LTBP1: variants seen among roughly 807,000 people sequenced by gnomAD.
LTBP1 encodes the protein latent-transforming growth factor beta-binding protein 1.
Under a neutral mutation model 207.6 loss-of-function variants are expected in LTBP1, and 129 were observed. The ratio of observed to expected loss-of-function variants is 0.62; its 90% CI spans 0.54 to 0.72. The LOEUF (loss-of-function observed/expected upper bound fraction) is 0.72, where lower values mean the gene tolerates loss of function less well. Among genes scored for constraint, LTBP1 ranks in the 30% least tolerant of loss-of-function variants. The probability of loss-of-function intolerance (pLI) is 0.00; values close to 1 mark genes in which losing one functional copy is unlikely to be tolerated. For synonymous variants in LTBP1, 963 were observed against 833.7 expected (o/e 1.16, Z -2.67); for missense variants, 2,281 against 2,217.2 (o/e 1.03, Z -0.58).
chr2:32,969,355 G>T (rs570759813), intron 2 of LTBP1, among the ~76,000 whole-genome samples: 1 of 151,996 alleles, frequency 6.6e-6, no homozygotes, highest in South Asian at 2.1e-4. Flanking sequence ...GTGGTTTGAT[G>T]TGCCAGATTA....
chr2:33,126,808 C>T (rs1390984478), intron 4 of LTBP1, among the ~76,000 whole-genome samples: 3 of 151,856 alleles, frequency 2.0e-5, no homozygotes, highest in African/African-American at 7.3e-5. Flanking sequence ...AAAACTGAGC[C>T]AGAGAGAAGT....
chr2:33,088,208 C>T (rs1456425938), intron 3 of LTBP1, among the ~76,000 whole-genome samples: 5 of 152,240 alleles, frequency 3.3e-5, no homozygotes, highest in African/African-American at 1.2e-4. Flanking sequence ...AATCCCAGCA[C>T]TTTGGGAGGC....
Position 33,279,946 on chromosome 2 carries a change from T to C in LTBP1, c.2993-93T>C. The stretch of plus-strand genomic sequence containing the variant: ...TGTTTTTCCCACTGAAATGTAGATA[T>C]AACATGCTTTCCCCCGCTGCCTTCA... On this transcript the variant is annotated intron_variant, in intron 18 of 33. Coordinates refer to ENST00000404816, the MANE Select transcript of LTBP1 (RefSeq NM_206943.4). The C allele has an allele frequency of 2.2e-6, 3 of 1,354,858 alleles. No homozygotes were observed. In the South Asian group the frequency reaches 3.9e-5, roughly 18 times the overall value. The allele number at this position is 1,354,858 out of a possible 1,614,324, so 83.9% of individuals were successfully genotyped here.
intron 26 of LTBP1, among the ~76,000 whole-genome samples, chr2:33,349,437 C>T (rs2094749580): frequency 1.4e-5 from 2 of 140,790 alleles, no homozygotes; most frequent in Non-Finnish European, 3.1e-5. Flanking sequence ...CAGATTCTGT[C>T]TCAAAAGAAA....
chr2:33,203,333 T>A (rs116609132), intron 7 of LTBP1, among the ~76,000 whole-genome samples: 14 of 152,320 alleles, frequency 9.2e-5, no homozygotes, highest in African/African-American at 3.4e-4. Context: ...AGAGAGAACA[T>A]GTCTGCATGT....
intron 24 of LTBP1, among the ~76,000 whole-genome samples, chr2:33,321,886 A>G (rs948904940): frequency 2.0e-5 from 3 of 152,226 alleles, no homozygotes; most frequent in African/African-American, 7.2e-5. Context: ...AGGTAAAGAA[A>G]GAAAGTGGCT....
rs148380332 is a variant in LTBP1, at chr2:32,950,685, T to A, written c.565+1740T>A. Among the ~76,000 whole-genome samples the A allele has an allele frequency of 3.4e-3, 513 of 152,192 alleles. 2 individuals are homozygous for A. Among genetic ancestry groups the A allele is most frequent in the Non-Finnish European group, 4.8e-3 (324 of 68,008 alleles). On this transcript the variant is annotated intron_variant, in intron 2 of 33. Transcript: ENST00000404816. ...AGGGGAGATTGCAGTGAGCAGAGAT[T>A]GTGCTGGGCGATGCAGAGAGACTCC...
At chr2:33,042,364 T>G (rs2076231542) in intron 3 of LTBP1, among the ~76,000 whole-genome samples, 1 of 152,208 alleles carries the variant, frequency 6.6e-6, no homozygotes, top group South Asian at 2.1e-4. Context: ...TGATCCCGAC[T>G]GGGGCAAGAG....
chr2:32,985,112 G>T (rs559023497), intron 2 of LTBP1, among the ~76,000 whole-genome samples: 1 of 152,224 alleles, frequency 6.6e-6, no homozygotes, highest in Admixed American at 6.5e-5. Flanking sequence ...AACTAGGATC[G>T]ATATAACTAC....
At chr2:33,143,567 C>T (rs2082795652) in intron 5 of LTBP1, among the ~76,000 whole-genome samples, 2 of 152,056 alleles carry the variant, frequency 1.3e-5, no homozygotes, top group African/African-American at 4.8e-5. Flanking sequence ...AAAAGGACAC[C>T]CTGGTAGCAA....
At chr2:33,079,682 A>C (rs596892) in intron 3 of LTBP1, among the ~76,000 whole-genome samples, 114,523 of 152,000 alleles carry the variant, frequency 0.75, 45,376 homozygotes, top group East Asian at 0.98. Context: ...GACTTCTCCC[A>C]GTTCTGGTCC....
chr2:32,948,539 A>C (rs189725053), intron 1 of LTBP1, among the ~76,000 whole-genome samples: 2 of 152,260 alleles, frequency 1.3e-5, no homozygotes, highest in African/African-American at 4.8e-5. Flanking sequence ...CTCATTTCCA[A>C]TTTAAAATGT....
intron 3 of LTBP1, among the ~76,000 whole-genome samples, chr2:33,053,062 G>A (rs112801801): frequency 6.6e-6 from 1 of 152,040 alleles, no homozygotes; most frequent in Non-Finnish European, 1.5e-5. Flanking sequence ...ATCGAGACGG[G>A]GTTTCACTAT....
chr2:33,050,776 C>T (rs557394534), intron 3 of LTBP1, among the ~76,000 whole-genome samples: 1 of 151,730 alleles, frequency 6.6e-6, no homozygotes, highest in African/African-American at 2.4e-5. Context: ...CTCTGTTGCC[C>T]AGGCTGGAGT....
At position 33,164,352 on chromosome 2, in the gene LTBP1, G is replaced by GAAAAAA. The variant is rs56916166; in HGVS notation, c.1202-22481_1202-22476dup. The stretch of plus-strand genomic sequence containing the variant: ...GTGACAGAGCAAGACTTCCTCTCAG[G>GAAAAAA]AAAAAAAAAAAAAAAAAAAAAAAAA... On this transcript the variant is annotated intron_variant, in intron 5 of 33. Transcript: ENST00000404816. 4.6e-3 allele frequency among the ~76,000 whole-genome samples: 130 copies of GAAAAAA among 28,220 alleles called. 3 individuals carry two copies. The highest frequency in any genetic ancestry group is 0.026 in the Middle Eastern group (1 of 38). The allele number at this position is 28,220 out of a possible 152,430, so 18.5% of individuals were successfully genotyped here.
At chr2:33,041,931 C>T (rs186223659) in intron 3 of LTBP1, among the ~76,000 whole-genome samples, 5 of 152,278 alleles carry the variant, frequency 3.3e-5, no homozygotes, top group African/African-American at 1.2e-4. Flanking sequence ...AAACTGTTTG[C>T]TATAGTGACT....
chr2:32,978,664 T>A (rs1256571479), intron 2 of LTBP1, among the ~76,000 whole-genome samples: 2 of 147,986 alleles, frequency 1.4e-5, no homozygotes, highest in African/African-American at 4.9e-5. Flanking sequence ...AGTTTTTTTT[T>A]AATTTTTTTT....
At chr2:33,165,513 A>G (rs1197830445) in intron 5 of LTBP1, among the ~76,000 whole-genome samples, 2 of 152,220 alleles carry the variant, frequency 1.3e-5, no homozygotes, top group Non-Finnish European at 2.9e-5. Context: ...CATTTTACCA[A>G]CTAGAAGAGC....
chr2:33,311,771 T>G (rs1219924192), intron 23 of LTBP1, among the ~76,000 whole-genome samples: 1 of 152,182 alleles, frequency 6.6e-6, no homozygotes, highest in Non-Finnish European at 1.5e-5. Flanking sequence ...ACTACTTCAT[T>G]CTCTCAATAT....
Sources: allele counts gnomAD v4.1 joint callset (sites outside exome capture counted in the v4.1 genomes callset), GRCh38; gene constraint gnomAD v4.1.1; transcripts MANE v1.5; gene names NCBI Gene and HGNC (gene_info 2026-07-23, HGNC 2026-07-21).